Variants in ABCC12 observed in about 807,000 individuals in gnomAD.
ABCC12 encodes the protein ATP binding cassette subfamily C member 12, also known as ATP-binding cassette sub-family C member 12.
ABCC12 carries 142 observed loss-of-function variants against 151.1 expected under a neutral mutation model. That is an observed-to-expected ratio of 0.94 (90% confidence interval 0.82 to 1.08). The LOEUF is 1.08. Ranked by LOEUF, ABCC12 falls within the 50% of genes least tolerant of loss-of-function variation. The pLI, the probability that ABCC12 is intolerant of heterozygous loss-of-function variation, is 0.00. For synonymous variants in ABCC12, 645 were observed against 646.4 expected, an observed-to-expected ratio of 1.00 and a Z score of 0.03; for missense variants, 1,638 against 1,691.1, an observed-to-expected ratio of 0.97 and a Z score of 0.55.
intron 22 of ABCC12, among the ~76,000 whole-genome samples, 155 bp from the exon 23 acceptor site, chr16:48,101,164 G>T (rs1963294760): frequency 6.6e-6 from 1 of 152,238 alleles, no homozygotes; most frequent in East Asian, 1.9e-4. Flanking sequence ...CCATTCTGCA[G>T]TGGTGCCTGC....
intron 3 of ABCC12, among the ~76,000 whole-genome samples, chr16:48,145,179 G>A (rs1964956797): frequency 6.6e-6 from 1 of 152,132 alleles, no homozygotes; most frequent in African/African-American, 2.4e-5. Context: ...TCTCACCTTG[G>A]AGGGCTTAAA....
Position 48,105,133 on chromosome 16 carries a change from C to T in ABCC12, c.2673+6G>A, listed in dbSNP as rs745735246. ...CTGGGTACACCTGCAATGCTTGTGG[C>T]CCTACCTTATCAAACACCGTGTCAT... On this transcript the variant is annotated splice_donor_region_variant and intron_variant, in intron 21 of 30. Coordinates refer to ENST00000311303, the MANE Select transcript of ABCC12 (RefSeq NM_001393797.1). 2 of 1,614,118 alleles carry T rather than the reference C, an allele frequency of 1.2e-6. No homozygotes were observed. Among genetic ancestry groups the T allele is most frequent in the South Asian group, 2.2e-5 (2 of 91,078 alleles).
intron 23 of ABCC12, among the ~76,000 whole-genome samples, chr16:48,098,090 GACACACACACACACACACACACACAC>G (rs66949388): frequency 8.2e-6 from 1 of 121,912 alleles, no homozygotes; most frequent in Non-Finnish European, 1.7e-5. Flanking sequence ...TGCCCCACCT[GACACACACACACACACACACACACAC>G]ACACACACAC....
chr16:48,151,520 T>C (rs1392704745), intron 2 of ABCC12, among the ~76,000 whole-genome samples: 1 of 152,214 alleles, frequency 6.6e-6, no homozygotes, highest in African/African-American at 2.4e-5. Context: ...TGTAGCAATA[T>C]TGTGCATTAA....
rs376695611 is a variant in ABCC12, at chr16:48,138,303, T to C, written c.904A>G (p.Met302Val). The change falls in exon 8 of 31, where the codon ATG becomes GTG. Residue 302 changes from methionine to valine, a missense_variant. Coordinates refer to ENST00000311303, the MANE Select transcript of ABCC12 (RefSeq NM_001393797.1). ...CTGATGCAGGTCAGAAACTCATTCA[T>C]TGTCTGAACTCGCTTGTCTGTCACC... The part of the protein sequence containing the change: ...ILVTDKRVQT[M>V]NEFLTCIRLI... The C allele has an allele frequency of 6.2e-7, 1 of 1,613,936 alleles. No individual in the cohort carries two copies. The highest frequency in any genetic ancestry group is 8.5e-7 in the Non-Finnish European group (1 of 1,179,940).
Position 48,083,673 on chromosome 16 carries a change from TCA to T in ABCC12, c.*40_*41del. 1 of 1,599,514 alleles carries T rather than the reference TCA, an allele frequency of 6.3e-7. No individual in the cohort carries two copies. On this transcript the variant is annotated 3_prime_UTR_variant, in exon 31 of 31. Transcript: ENST00000311303. ...CTCCTGAAGACTCCTCCTATTCATC[TCA>T]CAGAGCCTCTTCCTCCTCTAGAATC...
chr16:48,107,200 A>C, intron 20 of ABCC12, 122 bp downstream of exon 20: 1 of 924,322 alleles, frequency 1.1e-6, no homozygotes, highest in East Asian at 2.4e-5. Flanking sequence ...CCACTTCTTG[A>C]AAAGGGCAGA....
chr16:48,094,330 A>T (rs561680340), intron 24 of ABCC12, among the ~76,000 whole-genome samples: 3 of 152,364 alleles, frequency 2.0e-5, no homozygotes, highest in Admixed American at 6.5e-5. Context: ...GAAATTTTCC[A>T]TAAAGAATAG....
In ABCC12 at chr16:48,121,597, T is replaced by C. The variant is rs1964069481; in HGVS notation, c.1712+119A>G. The C allele has an allele frequency of 1.8e-5, 24 of 1,322,578 alleles. No individual in the cohort carries two copies. The South Asian group carries it at 3.0e-4, about 17-fold the overall frequency. 81.9% of individuals were successfully genotyped at this position (1,322,578 alleles called of 1,614,324 possible). ...AGTGTCTGTGTGGATCTGATGAATG[T>C]TTAATCAGAATTCATTAAACTCAGA... On this transcript the variant is annotated intron_variant, in intron 13 of 30. Transcript: ENST00000311303.
intron 29 of ABCC12, 98 bp downstream of exon 29, chr16:48,085,495 C>T: frequency 9.7e-7 from 1 of 1,029,104 alleles, no homozygotes; most frequent in Non-Finnish European, 1.5e-6. Context: ...ATTGCTGTCT[C>T]TTTGCTGAAA....
In ABCC12 at chr16:48,083,664, C is replaced by T; in HGVS notation, c.*51G>A. The T allele has an allele frequency of 2.5e-6, 4 of 1,583,684 alleles. No homozygotes were observed. The highest frequency in any genetic ancestry group is 2.2e-5 in the South Asian group (2 of 90,112). On this transcript the variant is annotated 3_prime_UTR_variant, in exon 31 of 31. Transcript: ENST00000311303. ...CAGCCCCTCCTCCTGAAGACTCCTC[C>T]TATTCATCTCACAGAGCCTCTTCCT...
chr16:48,119,000 C>G (rs1597314745), intron 13 of ABCC12, among the ~76,000 whole-genome samples: 1 of 152,220 alleles, frequency 6.6e-6, no homozygotes, highest in Non-Finnish European at 1.5e-5. Context: ...ATTGCTATTA[C>G]TACATTTGCC....
intron 15 of ABCC12, among the ~76,000 whole-genome samples, chr16:48,112,920 C>T (rs1318741576): frequency 6.6e-6 from 1 of 152,134 alleles, no homozygotes; most frequent in Non-Finnish European, 1.5e-5. Flanking sequence ...GAATTCCCTT[C>T]ATTTCCATAT....
At chr16:48,124,499 C>T (rs1003713020) in intron 11 of ABCC12, among the ~76,000 whole-genome samples, 3 of 152,208 alleles carry the variant, frequency 2.0e-5, no homozygotes, top group Non-Finnish European at 4.4e-5. Context: ...AGTGCTTTCC[C>T]TTGTGTGGCA....
Position 48,140,579 on chromosome 16 carries a change from T to C in ABCC12, c.657+108A>G, listed in dbSNP as rs1424173438. The C allele has an allele frequency of 8.3e-6, 9 of 1,079,316 alleles. No homozygotes were observed. In the African/African-American group the frequency reaches 9.4e-5, roughly 11 times the overall value. 66.9% of individuals were successfully genotyped at this position (1,079,316 alleles called of 1,614,324 possible). ...GAGATGGGACATGATGGGCAGGTCATAGACAAGCAAAAGGAAGGCAGGTGC... is the reference window on the plus strand; with the variant it reads ...GAGATGGGACATGATGGGCAGGTCACAGACAAGCAAAAGGAAGGCAGGTGC... On this transcript the variant is annotated intron_variant, in intron 6 of 30. Transcript: ENST00000311303.
chr16:48,109,782 T>C (rs543812666), intron 18 of ABCC12, among the ~76,000 whole-genome samples: 1 of 152,324 alleles, frequency 6.6e-6, no homozygotes, highest in Admixed American at 6.5e-5. Flanking sequence ...CTGGTCACAT[T>C]CCCTCGCAGC....
chr16:48,088,602 G>A lies in ABCC12; in HGVS notation c.3418C>T (p.Leu1140=), dbSNP rs1962732114. Residue 1140 remains leucine, a synonymous_variant, in exon 26 of 31, where the codon CTG becomes TTG. Coordinates refer to ENST00000311303, the MANE Select transcript of ABCC12 (RefSeq NM_001393797.1). ...TGCCCACTTTGTATGTTCAAGTTCA[G>A]GCTGTCGAGAACAAGGGGGGTGTTG... ...RDNTPLVLDS[L]NLNIQSGQTV... 1 of 1,614,240 alleles carries A rather than the reference G, an allele frequency of 6.2e-7. No homozygotes were observed. The highest frequency in any genetic ancestry group is 8.5e-7 in the Non-Finnish European group (1 of 1,180,036).
intron 18 of ABCC12, among the ~76,000 whole-genome samples, chr16:48,109,447 CCACAGAGAAATG>C (rs756820581): frequency 2.4e-4 from 37 of 152,346 alleles, no homozygotes; most frequent in Non-Finnish European, 4.3e-4. Flanking sequence ...TTCCGCTCCT[CCACAGAGAAATG>C]CGAAAATGTC....
chr16:48,151,933 G>A (rs1965122276), intron 2 of ABCC12, among the ~76,000 whole-genome samples: 1 of 152,200 alleles, frequency 6.6e-6, no homozygotes, highest in Non-Finnish European at 1.5e-5. Context: ...GACTTTTGTG[G>A]GAGGTGAGAC....
Sources: gnomAD v4.1 joint callset for allele counts (sites outside exome capture counted in the v4.1 genomes callset) on GRCh38, gnomAD v4.1.1 for gene constraint, MANE v1.5 for transcripts, NCBI Gene and HGNC (gene_info 2026-07-23, HGNC 2026-07-21) for gene names.